GPR89B: variants seen among roughly 807,000 people sequenced by gnomAD.
The protein encoded by GPR89B is golgi pH regulator B.
Under a neutral mutation model 52.4 loss-of-function variants are expected in GPR89B, and 25 were observed. The observed-to-expected ratio is 0.48, with a 90% confidence interval of 0.35 to 0.67. The LOEUF is 0.67. Ranked by LOEUF, GPR89B falls within the 30% of genes least tolerant of loss-of-function variation. GPR89B has a pLI of 0.01. For missense variants in GPR89B, 146 were observed against 450.2 expected, an observed-to-expected ratio of 0.32 and a Z score of 6.11; for synonymous variants, 52 against 151.2, an observed-to-expected ratio of 0.34 and a Z score of 4.81.
Position 147,978,457 on chromosome 1 carries a change from C to T in GPR89B, c.910-7742C>T, listed in dbSNP as rs587608689. 9.2e-5 allele frequency among the ~76,000 whole-genome samples: 14 copies of T among 151,826 alleles called. No individual in the cohort carries two copies. In the East Asian group the frequency reaches 1.7e-3, roughly 19 times the overall value. On this transcript the variant is annotated intron_variant, in intron 10 of 13. Coordinates refer to ENST00000314163, the MANE Select transcript of GPR89B (RefSeq NM_016334.5). ...CCTGGTGGGTCTCAGTCAGGAGGCA[C>T]GGGATCAGGGACCTGCTTAAGGAAG...
At chr1:147,963,501 A>G (rs1571281193) in intron 7 of GPR89B, among the ~76,000 whole-genome samples, 1 of 152,048 alleles carries the variant, frequency 6.6e-6, no homozygotes, top group African/African-American at 2.4e-5. Flanking sequence ...CAAAGCTTAC[A>G]TTTAAAAAAA....
At chr1:148,015,993 C>A in the GPR89B span, among the ~76,000 whole-genome samples, 1 of 151,472 alleles carries the variant, frequency 6.6e-6, no homozygotes, top group East Asian at 1.9e-4. Context: ...CGCCTTCTGG[C>A]CTTGAAGTTA....
At chr1:147,992,101 A>AG (rs1220610377) in intron 12 of GPR89B, among the ~76,000 whole-genome samples, 2 of 148,534 alleles carry the variant, frequency 1.3e-5, no homozygotes, top group Non-Finnish European at 3.0e-5. Context: ...TGAATGAAAG[A>AG]GAAGTGGCTG....
At chr1:148,014,994 AC>A in the GPR89B span, 1 of 151,662 alleles carries the variant, frequency 6.6e-6, no homozygotes, top group Non-Finnish European at 1.5e-5. Flanking sequence ...TCTGCAAAAG[AC>A]GGTGGCTCCG....
intron 7 of GPR89B, among the ~76,000 whole-genome samples, chr1:147,954,779 TTTTG>T (rs1292127635): frequency 5.3e-5 from 8 of 152,234 alleles, no homozygotes; most frequent in African/African-American, 1.9e-4. Flanking sequence ...ATTAGAATTT[TTTTG>T]TTTAATTTTT....
the GPR89B span, chr1:148,015,099 G>C: frequency 1.3e-5 from 2 of 151,734 alleles, no homozygotes; most frequent in African/African-American, 4.9e-5. Context: ...TTGCTTCCAA[G>C]TCTGGAGTTG....
the GPR89B span, among the ~76,000 whole-genome samples, chr1:148,002,870 A>C: frequency 5.6e-4 from 85 of 152,254 alleles, 3 homozygotes; most frequent in South Asian, 0.016. Context: ...AGCTCTGTCT[A>C]CTTTCCCAAA....
intron 7 of GPR89B, among the ~76,000 whole-genome samples, chr1:147,956,536 C>G (rs1278391284): frequency 6.6e-6 from 1 of 151,638 alleles, no homozygotes; most frequent in Non-Finnish European, 1.5e-5. Context: ...AAAATGAAAT[C>G]AAGAGAACCA....
At chr1:147,979,749 T>A (rs1338658127) in intron 10 of GPR89B, among the ~76,000 whole-genome samples, 3 of 152,000 alleles carry the variant, frequency 2.0e-5, no homozygotes, top group East Asian at 3.8e-4. Flanking sequence ...TGGTGAATTA[T>A]CATTTTTCTA....
At chr1:148,015,293 A>T in the GPR89B span, among the ~76,000 whole-genome samples, 1 of 69,860 alleles carries the variant, frequency 1.4e-5, no homozygotes, top group Non-Finnish European at 2.7e-5. Flanking sequence ...GGATTCTAGG[A>T]TCTCTCTCTC....
chr1:147,991,833 G>A (rs1239755321), intron 12 of GPR89B, among the ~76,000 whole-genome samples: 2 of 152,004 alleles, frequency 1.3e-5, no homozygotes, highest in Admixed American at 6.6e-5. Context: ...TTGATGTGCC[G>A]CTGGATTCAG....
At chr1:147,947,813 G>A (rs1285199063) in intron 5 of GPR89B, among the ~76,000 whole-genome samples, 5 of 151,582 alleles carry the variant, frequency 3.3e-5, no homozygotes, top group African/African-American at 1.2e-4. Flanking sequence ...TATGTGCCAA[G>A]CAGTAAGGAA....
rs587718362 is a variant in GPR89B at position 147,948,905 on chromosome 1, C to T, written c.416-4440C>T. Among the ~76,000 whole-genome samples, 425 of 151,948 alleles carry T rather than the reference C, an allele frequency of 2.8e-3. 1 individual carries two copies. The highest frequency in any genetic ancestry group is 9.0e-3 in the African/African-American group (375 of 41,450). On this transcript the variant is annotated intron_variant, in intron 5 of 13. Coordinates refer to ENST00000314163, the MANE Select transcript of GPR89B (RefSeq NM_016334.5). ...TGGTTTTCCTATGCAGAGGACCCTGCGGCCTTCCGCAGTGTTTGTGTCCCT... is the reference window on the plus strand; with the variant it reads ...TGGTTTTCCTATGCAGAGGACCCTGTGGCCTTCCGCAGTGTTTGTGTCCCT...
chr1:147,968,173 C>T (rs2149075686), intron 8 of GPR89B: 3 of 428,366 alleles, frequency 7.0e-6, no homozygotes, highest in Middle Eastern at 7.7e-4. Flanking sequence ...TCCCTGAGCC[C>T]CTGTTCTCTA....
In GPR89B at chr1:147,993,241, G is replaced by C; in HGVS notation, c.*324G>C. 2 of 868,352 alleles carry C rather than the reference G, an allele frequency of 2.3e-6. No homozygotes were observed. The highest frequency in any genetic ancestry group is 3.3e-6 in the Non-Finnish European group (2 of 608,126). 53.8% of individuals were successfully genotyped at this position (868,352 alleles called of 1,614,324 possible). ...GAACTCTGGGGCAAGAGATGTCTATGGTAGCTGAGCCAAACACGTAGGATT... is the reference window on the plus strand; with the variant it reads ...GAACTCTGGGGCAAGAGATGTCTATCGTAGCTGAGCCAAACACGTAGGATT... On this transcript the variant is annotated 3_prime_UTR_variant, in exon 14 of 14. Coordinates refer to ENST00000314163, the MANE Select transcript of GPR89B (RefSeq NM_016334.5).
At chr1:147,962,226 C>G (rs1312395104) in intron 7 of GPR89B, among the ~76,000 whole-genome samples, 1 of 150,652 alleles carries the variant, frequency 6.6e-6, no homozygotes, top group Admixed American at 6.6e-5. Context: ...GAGTTTGAGA[C>G]CATCCTGACC....
chr1:147,929,875 T>C (rs1275552186), intron 1 of GPR89B, among the ~76,000 whole-genome samples: 5 of 152,172 alleles, frequency 3.3e-5, no homozygotes, highest in African/African-American at 9.7e-5. Flanking sequence ...AATGTATTAA[T>C]GTAAAAAAAC....
At chr1:148,015,658 GTCAT>G in the GPR89B span, among the ~76,000 whole-genome samples, 1 of 147,794 alleles carries the variant, frequency 6.8e-6, no homozygotes, top group African/African-American at 2.5e-5. Context: ...TTTGTTTACT[GTCAT>G]TCATTTAGCC....
intron 7 of GPR89B, among the ~76,000 whole-genome samples, chr1:147,965,894 T>C (rs1372664987): frequency 1.3e-5 from 2 of 151,980 alleles, no homozygotes; most frequent in Non-Finnish European, 2.9e-5. Flanking sequence ...TCACCTGGGC[T>C]GGCGTGCAGT....
Sources: gnomAD v4.1 joint callset for allele counts (sites outside exome capture counted in the v4.1 genomes callset) on GRCh38, gnomAD v4.1.1 for gene constraint, MANE v1.5 for transcripts, NCBI Gene and HGNC (gene_info 2026-07-23, HGNC 2026-07-21) for gene names.